PRKCE: variants seen among roughly 807,000 people sequenced by gnomAD.
PRKCE encodes the protein protein kinase C epsilon type.
In PRKCE, 16 loss-of-function variants were observed where a neutral mutation model predicts 85.4. The observed-to-expected ratio is 0.19, with a 90% CI of 0.13 to 0.28. The LOEUF (loss-of-function observed/expected upper bound fraction) is 0.28. Among genes scored for constraint, PRKCE ranks in the 10% least tolerant of loss-of-function variants. The pLI is 1.00. For missense variants in PRKCE, 573 were observed against 975.2 expected (o/e 0.59, Z 5.49); for synonymous variants, 388 against 371.5 (o/e 1.04, Z -0.51).
chr2:45,773,759 A>G (rs983298337), intron 1 of PRKCE, among the ~76,000 whole-genome samples: 10 of 152,158 alleles, frequency 6.6e-5, no homozygotes, highest in African/African-American at 2.4e-4. Context: ...TTTGCCCCAC[A>G]GCAGCCTGTG....
intron 1 of PRKCE, among the ~76,000 whole-genome samples, chr2:45,721,586 A>G (rs1040125170): frequency 6.6e-6 from 1 of 152,064 alleles, no homozygotes; most frequent in Admixed American, 6.6e-5. Flanking sequence ...AAACACATAG[A>G]TGAGAGTTGA....
chr2:46,036,766 C>T (rs1009125111), intron 10 of PRKCE, among the ~76,000 whole-genome samples: 3 of 152,084 alleles, frequency 2.0e-5, no homozygotes, highest in Admixed American at 6.5e-5. Flanking sequence ...ACTGCAAGCC[C>T]GGCGGACACT....
intron 1 of PRKCE, among the ~76,000 whole-genome samples, chr2:45,747,617 G>A (rs1427356830): frequency 6.6e-6 from 1 of 152,198 alleles, no homozygotes; most frequent in Non-Finnish European, 1.5e-5. Context: ...ATTGATGGAT[G>A]CTTGGACTGT....
At chr2:46,033,393 G>T (rs897914429) in intron 10 of PRKCE, among the ~76,000 whole-genome samples, 3 of 152,182 alleles carry the variant, frequency 2.0e-5, no homozygotes, top group Non-Finnish European at 2.9e-5. Context: ...GGATCTTGCT[G>T]TCTCAGTTGA....
At chr2:45,791,642 G>C (rs1172814763) in intron 1 of PRKCE, among the ~76,000 whole-genome samples, 1 of 152,168 alleles carries the variant, frequency 6.6e-6, no homozygotes, top group Non-Finnish European at 1.5e-5. Flanking sequence ...AATTCTGATA[G>C]CTTATTTCAC....
chr2:45,706,366 C>T (rs1679115360), intron 1 of PRKCE, among the ~76,000 whole-genome samples: 1 of 152,206 alleles, frequency 6.6e-6, no homozygotes, highest in Admixed American at 6.5e-5. Flanking sequence ...AAATGAGGCT[C>T]TGAAAGTGCC....
rs191114357 is a variant in PRKCE, at chr2:46,109,231, G to T, written c.1592+22869G>T. Among the ~76,000 whole-genome samples, 3 of 152,182 alleles carry T rather than the reference G, an allele frequency of 2.0e-5. No homozygotes were observed. In the East Asian group the frequency reaches 5.8e-4, roughly 29 times the overall value. On this transcript the variant is annotated intron_variant, in intron 11 of 14. Coordinates refer to ENST00000306156, the MANE Select transcript of PRKCE (RefSeq NM_005400.3). ...ATAAGTTGCTGATATCTGCAAATTA[G>T]CTTCCTGGGATTTGGATGGGTATTG...
At chr2:45,789,582 G>A (rs1686876242) in intron 1 of PRKCE, among the ~76,000 whole-genome samples, 1 of 152,174 alleles carries the variant, frequency 6.6e-6, no homozygotes, top group Non-Finnish European at 1.5e-5. Flanking sequence ...GTGAGCTAAT[G>A]ATCATGCCAC....
At chr2:45,821,748 G>A (rs1482948854) in intron 1 of PRKCE, among the ~76,000 whole-genome samples, 1 of 152,214 alleles carries the variant, frequency 6.6e-6, no homozygotes, top group South Asian at 2.1e-4. Context: ...GGGTTGCAGT[G>A]TTGTGGAAAT....
intron 10 of PRKCE, among the ~76,000 whole-genome samples, chr2:46,019,827 T>A (rs532462897): frequency 6.2e-4 from 94 of 151,646 alleles, no homozygotes; most frequent in Non-Finnish European, 9.4e-4. Flanking sequence ...TGCTTTTTCT[T>A]GTAAAGCTGT....
chr2:45,792,676 G>T (rs968539987), intron 1 of PRKCE, among the ~76,000 whole-genome samples: 14 of 152,222 alleles, frequency 9.2e-5, no homozygotes, highest in Non-Finnish European at 1.9e-4. Context: ...TTCCTGCCTT[G>T]AAAGATGGGG....
intron 1 of PRKCE, among the ~76,000 whole-genome samples, chr2:45,813,395 T>G (rs1688790773): frequency 6.6e-6 from 1 of 152,160 alleles, no homozygotes; most frequent in Non-Finnish European, 1.5e-5. Flanking sequence ...CCTCAGTGAC[T>G]CAGTGTGAAG....
chr2:45,896,312 A>C (rs991962383), intron 2 of PRKCE, among the ~76,000 whole-genome samples: 4 of 152,120 alleles, frequency 2.6e-5, no homozygotes, highest in African/African-American at 9.7e-5. Context: ...GTGACCTTCC[A>C]CTTCCTGACT....
rs564655828 is a variant in PRKCE at position 45,703,929 on chromosome 2, TC to T, written c.348+51482del. Among the ~76,000 whole-genome samples the T allele has an allele frequency of 6.6e-4, 100 of 152,332 alleles. 3 individuals carry two copies. The East Asian group carries it at 0.018, about 27-fold the overall frequency. ...TACTGGTATTGAAATGACAAATATG[TC>T]TCCAAATAGCAAATGGGTAGAGTAA... On this transcript the variant is annotated intron_variant, in intron 1 of 14. Transcript: ENST00000306156.
chr2:45,918,476 C>A (rs1244008600), intron 2 of PRKCE, among the ~76,000 whole-genome samples: 3 of 152,202 alleles, frequency 2.0e-5, no homozygotes, highest in Non-Finnish European at 4.4e-5. Flanking sequence ...ATTCAACTAG[C>A]ATTTTGCAAG....
intron 6 of PRKCE, among the ~76,000 whole-genome samples, chr2:45,996,369 T>TA (rs1294878699): frequency 6.6e-6 from 1 of 152,212 alleles, no homozygotes; most frequent in Non-Finnish European, 1.5e-5. Context: ...TTTCTTGTCT[T>TA]ACTGCATTAG....
intron 1 of PRKCE, among the ~76,000 whole-genome samples, chr2:45,753,851 A>G (rs1344053232): frequency 6.6e-6 from 1 of 152,070 alleles, no homozygotes; most frequent in Non-Finnish European, 1.5e-5. Flanking sequence ...CCTCCCAAAT[A>G]TTTCTGACTG....
chr2:45,709,787 T>G (rs1214358664), intron 1 of PRKCE, among the ~76,000 whole-genome samples: 2 of 152,204 alleles, frequency 1.3e-5, no homozygotes, highest in African/African-American at 4.8e-5. Context: ...GAGAGATGTC[T>G]CCTGTCTCCC....
intron 2 of PRKCE, among the ~76,000 whole-genome samples, chr2:45,857,555 T>C (rs1171629948): frequency 6.6e-6 from 1 of 152,126 alleles, no homozygotes. Context: ...TTCTAATTCA[T>C]TGTTTCGATG....
Sources: allele counts gnomAD v4.1 joint callset (sites outside exome capture counted in the v4.1 genomes callset), GRCh38; gene constraint gnomAD v4.1.1; transcripts MANE v1.5; gene names NCBI Gene and HGNC (gene_info 2026-07-23, HGNC 2026-07-21).